Variants in ST6GALNAC3 observed in about 807,000 individuals in gnomAD.
The protein encoded by ST6GALNAC3 is ST6 N-acetylgalactosaminide alpha-2,6-sialyltransferase 3, also known as alpha-N-acetylgalactosaminide alpha-2,6-sialyltransferase 3.
A neutral mutation model predicts 32.7 loss-of-function variants in ST6GALNAC3; 25 were observed. The observed-to-expected ratio is 0.76, with a 90% CI of 0.56 to 1.07. The LOEUF (loss-of-function observed/expected upper bound fraction) is 1.07. Among genes scored for constraint, ST6GALNAC3 ranks in the 50% least tolerant of loss-of-function variants. ST6GALNAC3 has a pLI of 0.00. For missense variants in ST6GALNAC3, 355 were observed against 382.4 expected (o/e 0.93, Z 0.60); for synonymous variants, 129 against 133.1 (o/e 0.97, Z 0.21).
intron 2 of ST6GALNAC3, among the ~76,000 whole-genome samples, chr1:76,322,765 G>C (rs1289905199): frequency 8.4e-6 from 1 of 119,166 alleles, no homozygotes; most frequent in Non-Finnish European, 1.7e-5. Flanking sequence ...CCCCCCACAA[G>C]TTTGGGAAAT....
rs545189807 is a variant in ST6GALNAC3, at chr1:76,562,203, T to C, written c.624-65249T>C. On this transcript the variant is annotated intron_variant, in intron 3 of 4. Coordinates refer to ENST00000328299, the MANE Select transcript of ST6GALNAC3 (RefSeq NM_152996.4). ...TGATAAATGCACAATGCAGTGAATA[T>C]AACAAAATGCACTGAACTCACTTTA... 2.6e-5 allele frequency among the ~76,000 whole-genome samples: 4 copies of C among 152,260 alleles called. No individual in the cohort carries two copies. The East Asian group carries it at 7.7e-4, about 29-fold the overall frequency.
intron 1 of ST6GALNAC3, among the ~76,000 whole-genome samples, chr1:76,302,394 CTCT>C (rs1660778855): frequency 6.6e-6 from 1 of 152,000 alleles, no homozygotes; most frequent in African/African-American, 2.4e-5. Context: ...TTTCCTCTTT[CTCT>C]TCTTGCTGTG....
intron 1 of ST6GALNAC3, among the ~76,000 whole-genome samples, chr1:76,147,150 C>A (rs1013261653): frequency 1.3e-5 from 2 of 151,544 alleles, no homozygotes; most frequent in Admixed American, 1.3e-4. Context: ...ACGACCTCTG[C>A]CTCCTGGGTT....
rs1214256188 is a variant in ST6GALNAC3, at chr1:76,630,406, A to G, written c.*1600A>G. 1 of 985,254 alleles carries G rather than the reference A, an allele frequency of 1.0e-6. No homozygotes were observed. The highest frequency in any genetic ancestry group is 1.2e-6 in the Non-Finnish European group (1 of 829,826). The allele number at this position is 985,254 out of a possible 1,614,324, so 61.0% of individuals were successfully genotyped here. The stretch of plus-strand genomic sequence containing the variant: ...CAGGAGGAAATGAAGGCAGAGAAAT[A>G]TAGTTTCCTTTCCTAGGATTGAGAC... On this transcript the variant is annotated 3_prime_UTR_variant, in exon 5 of 5. Transcript: ENST00000328299.
intron 3 of ST6GALNAC3, among the ~76,000 whole-genome samples, chr1:76,430,141 GA>G (rs1356398016): frequency 6.6e-6 from 1 of 152,116 alleles, no homozygotes; most frequent in Non-Finnish European, 1.5e-5. Flanking sequence ...AATATTCTTT[GA>G]TTATATGCTT....
intron 1 of ST6GALNAC3, among the ~76,000 whole-genome samples, chr1:76,127,009 T>A (rs758426296): frequency 6.6e-6 from 1 of 152,344 alleles, no homozygotes; most frequent in Non-Finnish European, 1.5e-5. Context: ...AAGAAAATGA[T>A]GCTAACAAAG....
intron 3 of ST6GALNAC3, among the ~76,000 whole-genome samples, chr1:76,546,912 A>G (rs962430983): frequency 5.9e-5 from 9 of 152,236 alleles, no homozygotes; most frequent in Non-Finnish European, 1.3e-4. Flanking sequence ...GAGAATAGCA[A>G]TAAGAGTGAA....
intron 1 of ST6GALNAC3, among the ~76,000 whole-genome samples, chr1:76,223,806 G>A (rs1049761452): frequency 6.6e-6 from 1 of 151,580 alleles, no homozygotes; most frequent in Admixed American, 6.6e-5. Flanking sequence ...TTAAGAATTT[G>A]ATCCTGCAAA....
chr1:76,558,644 G>T (rs887193583), intron 3 of ST6GALNAC3, among the ~76,000 whole-genome samples: 1 of 152,076 alleles, frequency 6.6e-6, no homozygotes, highest in Non-Finnish European at 1.5e-5. Context: ...TACCTACTGG[G>T]TACTATGCTA....
At chr1:76,634,938 A>G (rs1320526016), downstream of ST6GALNAC3, among the ~76,000 whole-genome samples, 3 of 150,078 alleles carry the variant, frequency 2.0e-5, 1 homozygote, top group Non-Finnish European at 4.4e-5. Flanking sequence ...TGACCTCGTG[A>G]TCCGCCCGCC....
At chr1:76,348,385 T>C (rs370714900) in intron 2 of ST6GALNAC3, among the ~76,000 whole-genome samples, 1 of 152,150 alleles carries the variant, frequency 6.6e-6, no homozygotes, top group Non-Finnish European at 1.5e-5. Flanking sequence ...CACATGAGAA[T>C]TGATGTGGAA....
intron 3 of ST6GALNAC3, among the ~76,000 whole-genome samples, chr1:76,573,246 C>T (rs904480082): frequency 1.3e-5 from 2 of 152,094 alleles, no homozygotes; most frequent in Admixed American, 1.3e-4. Flanking sequence ...AACTACCTTT[C>T]CGGTCCTCTT....
At chr1:76,600,964 C>T (rs1324602542) in intron 3 of ST6GALNAC3, among the ~76,000 whole-genome samples, 1 of 152,120 alleles carries the variant, frequency 6.6e-6, no homozygotes, top group East Asian at 1.9e-4. Flanking sequence ...GGGTGGATGG[C>T]TTTAGCCCAG....
intron 3 of ST6GALNAC3, among the ~76,000 whole-genome samples, chr1:76,626,049 G>A (rs1648946379): frequency 6.6e-6 from 1 of 151,864 alleles, no homozygotes; most frequent in African/African-American, 2.4e-5. Context: ...CTGAAATGCT[G>A]GCACATTGTA....
At chr1:76,385,126 A>C (rs1651994825) in intron 2 of ST6GALNAC3, among the ~76,000 whole-genome samples, 1 of 152,044 alleles carries the variant, frequency 6.6e-6, no homozygotes, top group Non-Finnish European at 1.5e-5. Flanking sequence ...CACATGTTTA[A>C]AAAAAACCCA....
At chr1:76,356,877 C>T (rs1411196279) in intron 2 of ST6GALNAC3, among the ~76,000 whole-genome samples, 2 of 152,016 alleles carry the variant, frequency 1.3e-5, no homozygotes, top group East Asian at 1.9e-4. Flanking sequence ...TCAGCAAAAC[C>T]GTATTGCGGT....
chr1:76,377,460 C>CAGAGAGAGAGAG (rs112217624), intron 2 of ST6GALNAC3, among the ~76,000 whole-genome samples: 1 of 150,368 alleles, frequency 6.7e-6, no homozygotes, highest in African/African-American at 2.4e-5. Flanking sequence ...CTTCACAGGG[C>CAGAGAGAGAGAG]AGAGAGAGAG....
At chr1:76,225,708 G>T (rs1656026927) in intron 1 of ST6GALNAC3, among the ~76,000 whole-genome samples, 2 of 152,162 alleles carry the variant, frequency 1.3e-5, no homozygotes, top group South Asian at 4.1e-4. Flanking sequence ...GGAAATAGTT[G>T]GCTAATAAGT....
chr1:76,557,401 A>G (rs755145278), intron 3 of ST6GALNAC3, among the ~76,000 whole-genome samples: 1 of 152,024 alleles, frequency 6.6e-6, no homozygotes, highest in Non-Finnish European at 1.5e-5. Flanking sequence ...TAACTCATCA[A>G]TGGGAAATTG....
Sources: allele counts gnomAD v4.1 joint callset (sites outside exome capture counted in the v4.1 genomes callset), GRCh38; gene constraint gnomAD v4.1.1; transcripts MANE v1.5; gene names NCBI Gene and HGNC (gene_info 2026-07-23, HGNC 2026-07-21).